EPB41L4B: variants seen among roughly 807,000 people sequenced by gnomAD.
The protein encoded by EPB41L4B is erythrocyte membrane protein band 4.1 like 4B.
Under a neutral mutation model 112.5 loss-of-function variants are expected in EPB41L4B, and 30 were observed. The ratio of observed to expected loss-of-function variants is 0.27; its 90% CI spans 0.20 to 0.36. The LOEUF (loss-of-function observed/expected upper bound fraction) is 0.36, where lower values mean the gene tolerates loss of function less well. Ranked by LOEUF, EPB41L4B falls within the 10% of genes least tolerant of loss-of-function variation. EPB41L4B has a pLI of 1.00. For missense variants in EPB41L4B, 1,024 were observed against 1,133.3 expected (o/e 0.90, Z 1.38); for synonymous variants, 408 against 439.7 (o/e 0.93, Z 0.90).
intron 6 of EPB41L4B, among the ~76,000 whole-genome samples, chr9:109,262,383 T>G (rs371748285): frequency 5.3e-5 from 8 of 152,086 alleles, no homozygotes; most frequent in Admixed American, 2.0e-4. Flanking sequence ...AACTCCTCCC[T>G]CAACACCTAA....
chr9:109,243,395 T>TA (rs1303027420), intron 15 of EPB41L4B, among the ~76,000 whole-genome samples: 1 of 152,160 alleles, frequency 6.6e-6, no homozygotes, highest in Admixed American at 6.5e-5. Context: ...AGAATGATTT[T>TA]AAAAAATCAA....
chr9:109,290,570 C>A (rs1836485324), intron 1 of EPB41L4B, among the ~76,000 whole-genome samples: 1 of 152,044 alleles, frequency 6.6e-6, no homozygotes, highest in African/African-American at 2.4e-5. Flanking sequence ...GTTGGCTTCC[C>A]AGCCAGCAGT....
At chr9:109,268,239 A>T in intron 3 of EPB41L4B, 152 bp downstream of exon 3, 1 of 716,022 alleles carries the variant, frequency 1.4e-6, no homozygotes, top group Non-Finnish European at 2.3e-6. Context: ...ATCTTTGGCT[A>T]GCCTTAAGAA....
intron 1 of EPB41L4B, among the ~76,000 whole-genome samples, chr9:109,285,886 G>A (rs542609616): frequency 1.0e-3 from 158 of 152,184 alleles, no homozygotes; most frequent in African/African-American, 3.7e-3. Flanking sequence ...TCCTGCCCCC[G>A]GAGAAGTAAG....
At chr9:109,205,309 T>C (rs1440720070) in intron 18 of EPB41L4B, among the ~76,000 whole-genome samples, 2 of 152,232 alleles carry the variant, frequency 1.3e-5, no homozygotes, top group Non-Finnish European at 2.9e-5. Flanking sequence ...CTAGGAAATG[T>C]GTTCTTACCT....
At chr9:109,216,668 G>C (rs188874527) in intron 16 of EPB41L4B, among the ~76,000 whole-genome samples, 109 of 146,996 alleles carry the variant, frequency 7.4e-4, no homozygotes, top group African/African-American at 2.5e-3. Flanking sequence ...AAAAAGAAAA[G>C]AAAAAAAGAA....
At chr9:109,218,489 G>C (rs1385597304) in intron 15 of EPB41L4B, among the ~76,000 whole-genome samples, 5 of 152,008 alleles carry the variant, frequency 3.3e-5, no homozygotes, top group Non-Finnish European at 4.4e-5. Flanking sequence ...TGAATACCAC[G>C]AACCTTCCCT....
chr9:109,182,600 T>A (rs1431894098), intron 24 of EPB41L4B, 129 bp downstream of exon 24: 2 of 702,134 alleles, frequency 2.8e-6, no homozygotes, highest in East Asian at 5.0e-5. Flanking sequence ...TCCAAGTTTC[T>A]TCCCAACCTC....
At chr9:109,226,760 A>G (rs1051364108) in intron 15 of EPB41L4B, among the ~76,000 whole-genome samples, 3 of 142,584 alleles carry the variant, frequency 2.1e-5, no homozygotes, top group African/African-American at 8.2e-5. Flanking sequence ...TGAAGAATAT[A>G]TATATATGAA....
intron 1 of EPB41L4B, among the ~76,000 whole-genome samples, chr9:109,305,899 G>A (rs981115286): frequency 1.3e-5 from 2 of 152,128 alleles, no homozygotes; most frequent in Admixed American, 6.5e-5. Context: ...AGTCCAGCCT[G>A]GGTGGCAGAG....
rs1837853883 is a variant in EPB41L4B at position 109,320,931 on chromosome 9, C to G, written c.-485G>C. On this transcript the variant is annotated 5_prime_UTR_variant, in exon 1 of 26. Coordinates refer to ENST00000374566, the MANE Select transcript of EPB41L4B (RefSeq NM_019114.5). ...CGCCGCGCCCGGGGCCCGAGGAGGC[C>G]CCGCCGAGCGCCCGCTCCCAAGGCG... The G allele has an allele frequency of 6.4e-6, 1 of 156,600 alleles. No individual in the cohort carries two copies. Among genetic ancestry groups the G allele is most frequent in the African/African-American group, 2.4e-5 (1 of 41,074 alleles). The allele number at this position is 156,600 out of a possible 1,614,324, so 9.7% of individuals were successfully genotyped here.
chr9:109,174,684 G>T, intron 25 of EPB41L4B, 61 bp from the exon 26 acceptor site: 1 of 1,425,528 alleles, frequency 7.0e-7, no homozygotes, highest in African/African-American at 1.4e-5. Flanking sequence ...GAAGCAGACA[G>T]CTTAAGTATC....
At chr9:109,186,764 T>G (rs1832284814) in intron 22 of EPB41L4B, among the ~76,000 whole-genome samples, 1 of 152,234 alleles carries the variant, frequency 6.6e-6, no homozygotes, top group African/African-American at 2.4e-5. Flanking sequence ...ATTACAGGCA[T>G]GATCCATTGT....
At chr9:109,259,307 T>C (rs1295411839) in intron 6 of EPB41L4B, among the ~76,000 whole-genome samples, 5 of 152,236 alleles carry the variant, frequency 3.3e-5, no homozygotes, top group Non-Finnish European at 7.3e-5. Context: ...CAGAATCACC[T>C]GGTGAGCTGG....
At chr9:109,226,088 CAT>C (rs1833749836) in intron 15 of EPB41L4B, among the ~76,000 whole-genome samples, 1 of 152,198 alleles carries the variant, frequency 6.6e-6, no homozygotes, top group Non-Finnish European at 1.5e-5. Flanking sequence ...ATGCCATCTT[CAT>C]ATGTGTCTGC....
chr9:109,299,747 A>C (rs1359815839), intron 1 of EPB41L4B, among the ~76,000 whole-genome samples: 1 of 148,468 alleles, frequency 6.7e-6, no homozygotes, highest in Non-Finnish European at 1.5e-5. Flanking sequence ...CACCCCTCGC[A>C]AAGTTCCTTG....
intron 11 of EPB41L4B, 149 bp downstream of exon 11, chr9:109,255,362 C>CTTCAGT (rs2119024145): frequency 2.4e-6 from 2 of 834,234 alleles, no homozygotes; most frequent in South Asian, 3.7e-5. Flanking sequence ...GTCAAAAGAG[C>CTTCAGT]TTCAGTTACT....
intron 6 of EPB41L4B, among the ~76,000 whole-genome samples, chr9:109,258,511 T>C (rs778975816): frequency 6.6e-6 from 1 of 152,218 alleles, no homozygotes; most frequent in Non-Finnish European, 1.5e-5. Flanking sequence ...TGTTGGGTGA[T>C]ACAGCATCAT....
In EPB41L4B at chr9:109,172,791, A is replaced by G. The variant is rs891466975; in HGVS notation, c.*1763T>C. 5.0e-4 allele frequency: 76 copies of G among 152,814 alleles called. No homozygotes were observed. Among genetic ancestry groups the G allele is most frequent in the African/African-American group, 1.7e-3 (69 of 41,586 alleles). 9.5% of individuals were successfully genotyped at this position (152,814 alleles called of 1,614,324 possible). A position where few individuals can be genotyped will look rare whatever the true frequency, so the allele number is the denominator to read the frequency against. ...GCACTTAAAGGGTTAATCCTCGGTT[A>G]TCTGAATATTCACATACATTCCTCA... is the stretch of plus-strand genomic sequence containing the variant. On this transcript the variant is annotated 3_prime_UTR_variant, in exon 26 of 26. Coordinates refer to ENST00000374566, the MANE Select transcript of EPB41L4B (RefSeq NM_019114.5).
Sources: gnomAD v4.1 joint callset for allele counts (sites outside exome capture counted in the v4.1 genomes callset) on GRCh38, gnomAD v4.1.1 for gene constraint, MANE v1.5 for transcripts, NCBI Gene and HGNC (gene_info 2026-07-23, HGNC 2026-07-21) for gene names.